SDK1: variants seen among roughly 807,000 people sequenced by gnomAD.
The protein encoded by SDK1 is sidekick cell adhesion molecule 1.
SDK1 carries 157 observed loss-of-function variants against 245.5 expected under a neutral mutation model. The observed-to-expected ratio is 0.64, with a 90% CI of 0.56 to 0.73. The LOEUF (loss-of-function observed/expected upper bound fraction) is 0.73. Ranked by LOEUF, SDK1 falls within the 30% of genes least tolerant of loss-of-function variation. The pLI, the probability that SDK1 is intolerant of heterozygous loss-of-function variation, is 0.00. For missense variants in SDK1, 3,583 were observed against 3,002.3 expected (o/e 1.19, Z -4.52); for synonymous variants, 1,647 against 1,278.5 (o/e 1.29, Z -6.15).
At chr7:3,820,921 A>G (rs373075405) in intron 4 of SDK1, among the ~76,000 whole-genome samples, 1 of 152,222 alleles carries the variant, frequency 6.6e-6, no homozygotes, top group African/African-American at 2.4e-5. Flanking sequence ...GTTAATAATG[A>G]TGGTAGAAGT....
At chr7:4,229,375 C>A (rs1785612762) in intron 40 of SDK1, among the ~76,000 whole-genome samples, 1 of 152,094 alleles carries the variant, frequency 6.6e-6, no homozygotes, top group African/African-American at 2.4e-5. Context: ...TCTGTTAATT[C>A]AGAAGGAAAT....
At chr7:3,912,676 G>A (rs939174704) in intron 5 of SDK1, among the ~76,000 whole-genome samples, 11 of 152,196 alleles carry the variant, frequency 7.2e-5, no homozygotes, top group South Asian at 2.1e-4. Flanking sequence ...CCCACCCCAC[G>A]GATGGCTTTT....
At chr7:3,605,399 A>G (rs1781389910) in intron 1 of SDK1, among the ~76,000 whole-genome samples, 1 of 152,232 alleles carries the variant, frequency 6.6e-6, no homozygotes, top group South Asian at 2.1e-4. Context: ...CAAGGAAAAA[A>G]TGCCCACAGT....
intron 42 of SDK1, 71 bp from the exon 43 acceptor site, chr7:4,241,722 G>T (rs1786531315): frequency 1.3e-6 from 2 of 1,598,376 alleles, no homozygotes; most frequent in African/African-American, 1.3e-5. Flanking sequence ...CCGCTGGCCA[G>T]CTCTGGCTTG....
intron 1 of SDK1, among the ~76,000 whole-genome samples, chr7:3,531,266 A>G (rs893276749): frequency 3.9e-5 from 6 of 152,162 alleles, no homozygotes; most frequent in Non-Finnish European, 5.9e-5. Flanking sequence ...CTTTATCTGT[A>G]CGCTATGCTA....
In SDK1 at chr7:3,967,469, C is replaced by A. The variant is rs372470581; in HGVS notation, c.1546+35C>A. The A allele has an allele frequency of 1.6e-5, 21 of 1,284,466 alleles. No homozygotes were observed. The African/African-American group carries it at 3.1e-4, about 19-fold the overall frequency. The allele number at this position is 1,284,466 out of a possible 1,614,324, so 79.6% of individuals were successfully genotyped here. On this transcript the variant is annotated intron_variant, in intron 10 of 44. Coordinates refer to ENST00000404826, the MANE Select transcript of SDK1 (RefSeq NM_152744.4). ...ATCCACTGCCCACAACAGCATGGCC[C>A]ATGTAGAACATAACCTATCGGGCCA...
intron 1 of SDK1, among the ~76,000 whole-genome samples, chr7:3,519,672 A>T (rs2128614066): frequency 6.6e-6 from 1 of 152,276 alleles, no homozygotes; most frequent in East Asian, 1.9e-4. Context: ...TCTCTGTTAC[A>T]TCCAGAGATA....
chr7:3,833,437 T>C (rs1779958897), intron 5 of SDK1, among the ~76,000 whole-genome samples: 1 of 152,220 alleles, frequency 6.6e-6, no homozygotes, highest in Non-Finnish European at 1.5e-5. Flanking sequence ...TTGCTTTCAT[T>C]TGGGAAAGTT....
At chr7:3,736,584 C>T (rs962516835) in intron 4 of SDK1, among the ~76,000 whole-genome samples, 1 of 152,066 alleles carries the variant, frequency 6.6e-6, no homozygotes, top group African/African-American at 2.4e-5. Context: ...ATTAGGGGTT[C>T]TTTTTAGCTG....
At chr7:3,985,298 T>C (rs1205078218) in intron 13 of SDK1, among the ~76,000 whole-genome samples, 1 of 152,258 alleles carries the variant, frequency 6.6e-6, no homozygotes, top group Non-Finnish European at 1.5e-5. Flanking sequence ...TAAACCATCT[T>C]ATTTGGCTAT....
At chr7:3,391,965 TAA>T (rs1781768363) in intron 1 of SDK1, among the ~76,000 whole-genome samples, 1 of 62,924 alleles carries the variant, frequency 1.6e-5, no homozygotes, top group Non-Finnish European at 2.8e-5. Flanking sequence ...GTATATCATG[TAA>T]TATATATATA....
intron 4 of SDK1, among the ~76,000 whole-genome samples, chr7:3,702,497 T>C (rs1431341531): frequency 2.0e-5 from 3 of 152,160 alleles, no homozygotes; most frequent in Non-Finnish European, 4.4e-5. Context: ...CCCCTCCACA[T>C]TAGGGCCGGA....
intron 38 of SDK1, among the ~76,000 whole-genome samples, chr7:4,216,205 G>A (rs572467047): frequency 2.0e-5 from 3 of 152,180 alleles, no homozygotes; most frequent in Non-Finnish European, 1.5e-5. Context: ...GGACGACAAC[G>A]CCACACGATG....
At chr7:3,846,467 C>G (rs999233707) in intron 5 of SDK1, among the ~76,000 whole-genome samples, 4 of 152,098 alleles carry the variant, frequency 2.6e-5, no homozygotes, top group African/African-American at 9.7e-5. Flanking sequence ...ATCTTGGATC[C>G]CAGTGGAGGC....
intron 22 of SDK1, among the ~76,000 whole-genome samples, chr7:4,087,294 G>A (rs1024188282): frequency 1.7e-4 from 26 of 151,824 alleles, no homozygotes; most frequent in African/African-American, 5.6e-4. Flanking sequence ...TTTTTTTCCT[G>A]ATTTGTAACA....
chr7:3,949,459 G>A (rs1261950054), intron 5 of SDK1, among the ~76,000 whole-genome samples: 2 of 152,186 alleles, frequency 1.3e-5, no homozygotes, highest in African/African-American at 2.4e-5. Context: ...TCACCCCACC[G>A]CCAGCCGGGC....
intron 22 of SDK1, among the ~76,000 whole-genome samples, chr7:4,080,614 G>C (rs1395847829): frequency 2.0e-5 from 3 of 152,142 alleles, no homozygotes; most frequent in African/African-American, 4.8e-5. Flanking sequence ...CATCTGGATG[G>C]GACTGACCCA....
At chr7:3,387,200 A>G (rs1275114710) in intron 1 of SDK1, among the ~76,000 whole-genome samples, 6 of 152,112 alleles carry the variant, frequency 3.9e-5, no homozygotes, top group African/African-American at 1.4e-4. Flanking sequence ...CTATATGTGT[A>G]CTAGGGATTG....
chr7:3,503,333 T>A (rs914636535), intron 1 of SDK1, among the ~76,000 whole-genome samples: 1 of 152,202 alleles, frequency 6.6e-6, no homozygotes, highest in Non-Finnish European at 1.5e-5. Context: ...CAGCTAATGA[T>A]GATTGAATCT....
Sources: allele counts gnomAD v4.1 joint callset (sites outside exome capture counted in the v4.1 genomes callset), GRCh38; gene constraint gnomAD v4.1.1; transcripts MANE v1.5; gene names NCBI Gene and HGNC (gene_info 2026-07-23, HGNC 2026-07-21).